The following CPED1 variants were observed in gnomAD, a reference collection of about 807,000 sequenced individuals.
The protein encoded by CPED1 is cadherin-like and PC-esterase domain-containing protein 1.
CPED1 carries 114 observed loss-of-function variants against 128.2 expected under a neutral mutation model. The observed-to-expected ratio is 0.89, with a 90% CI of 0.76 to 1.04. The LOEUF (loss-of-function observed/expected upper bound fraction) is 1.04, where lower values mean the gene tolerates loss of function less well. CPED1 is among the 50% of genes least tolerant of loss of function. CPED1 has a pLI of 0.00. For synonymous variants in CPED1, 462 were observed against 426.7 expected, an observed-to-expected ratio of 1.08 and a Z score of -1.02; for missense variants, 1,211 against 1,207.1, an observed-to-expected ratio of 1.00 and a Z score of -0.05.
At chr7:121,033,915 T>G (rs1792805735) in intron 3 of CPED1, among the ~76,000 whole-genome samples, 1 of 152,194 alleles carries the variant, frequency 6.6e-6, no homozygotes, top group South Asian at 2.1e-4. Context: ...TCCTTCCTCT[T>G]AGACTTCTCA....
chr7:121,206,229 A>G (rs1036532238), intron 16 of CPED1, among the ~76,000 whole-genome samples: 4 of 152,056 alleles, frequency 2.6e-5, no homozygotes, highest in African/African-American at 9.7e-5. Context: ...CATTTTCTCA[A>G]TAAGTTTTAG....
intron 2 of CPED1, among the ~76,000 whole-genome samples, chr7:121,014,265 G>GA (rs1345757383): frequency 1.3e-5 from 2 of 152,140 alleles, no homozygotes; most frequent in Non-Finnish European, 1.5e-5. Context: ...TAAAGATGTA[G>GA]AATTGGGCCG....
intron 16 of CPED1, among the ~76,000 whole-genome samples, chr7:121,235,955 T>A (rs1388625328): frequency 6.6e-6 from 1 of 152,108 alleles, no homozygotes; most frequent in Non-Finnish European, 1.5e-5. Context: ...TGTGATAGAC[T>A]GAGAGAACCC....
Position 121,266,397 on chromosome 7 carries a change from C to A in CPED1, c.2481C>A (p.Ser827Arg), listed in dbSNP as rs1305439878. 1 of 1,613,178 alleles carries A rather than the reference C, an allele frequency of 6.2e-7. No individual in the cohort carries two copies. Among genetic ancestry groups the A allele is most frequent in the South Asian group, 1.1e-5 (1 of 91,068 alleles). ...CCTACTATCCCCAGTTCTGGATAAG[C>A]CCTTCATTGAGACCAACATTTGAAA... ...SYSYYPQFWI[S>R]PSLRPTFENA... Residue 827 changes from serine (S) to arginine (R), a missense_variant, in exon 19 of 23, where the codon AGC (serine) becomes AGA (arginine). By Grantham distance (110) the Ser-to-Arg change is moderately radical. Transcript: ENST00000310396.
intron 22 of CPED1, among the ~76,000 whole-genome samples, chr7:121,274,487 A>G (rs1209747218): frequency 6.6e-6 from 1 of 152,080 alleles, no homozygotes; most frequent in Non-Finnish European, 1.5e-5. Flanking sequence ...TCTCCGCCAA[A>G]TTATCTTAAT....
At chr7:121,142,168 G>T (rs781667134) in intron 16 of CPED1, 27 bp downstream of exon 16, 1 of 1,561,990 alleles carries the variant, frequency 6.4e-7, no homozygotes, top group Non-Finnish European at 8.8e-7. Flanking sequence ...TTTGCACTTG[G>T]GTTGAATTGG....
intron 5 of CPED1, among the ~76,000 whole-genome samples, chr7:121,067,897 C>G (rs1189028845): frequency 6.6e-6 from 1 of 152,168 alleles, no homozygotes; most frequent in Non-Finnish European, 1.5e-5. Context: ...TGTGTTTTGG[C>G]TGCATAAATG....
At chr7:121,097,334 C>A (rs896572693) in intron 5 of CPED1, among the ~76,000 whole-genome samples, 1 of 152,082 alleles carries the variant, frequency 6.6e-6, no homozygotes, top group African/African-American at 2.4e-5. Context: ...ATTCTCATGA[C>A]AAACAAAAGT....
intron 18 of CPED1, among the ~76,000 whole-genome samples, chr7:121,264,584 A>G (rs1792086266): frequency 6.6e-6 from 1 of 152,094 alleles, no homozygotes. Context: ...TTCTTCATGC[A>G]GCTACTTGGA....
intron 18 of CPED1, among the ~76,000 whole-genome samples, chr7:121,250,003 A>G (rs1308445187): frequency 6.6e-6 from 1 of 152,210 alleles, no homozygotes; most frequent in African/African-American, 2.4e-5. Flanking sequence ...TCCACCCCAA[A>G]TCAACAGAAT....
chr7:121,199,269 T>C (rs1797334306), intron 16 of CPED1, among the ~76,000 whole-genome samples: 1 of 151,810 alleles, frequency 6.6e-6, no homozygotes, highest in Non-Finnish European at 1.5e-5. Context: ...TGAGTAAGAG[T>C]GTGAACACCT....
rs72453872 is a variant in CPED1, at chr7:121,087,665, C to CTTTTTTTTTTTTTTTTTTTTTTTTTT, written c.617-10033_617-10032insTTTTTTTTTTTTTTTTTTTTTTTTTT. ...GGATTCTTTCTTTTTCTTTTCTTTC[C>CTTTTTTTTTTTTTTTTTTTTTTTTTT]TGTTTTTTTTTTTTTGGCAGAGTCT... is the stretch of plus-strand genomic sequence containing the variant. On this transcript the variant is annotated intron_variant, in intron 5 of 22. Transcript: ENST00000310396. Among the ~76,000 whole-genome samples, 6 of 131,570 alleles carry CTTTTTTTTTTTTTTTTTTTTTTTTTT rather than the reference C, an allele frequency of 4.6e-5. 1 individual carries two copies. The highest frequency in any genetic ancestry group is 1.3e-4 in the African/African-American group (4 of 31,724). The allele number at this position is 131,570 out of a possible 152,430, so 86.3% of individuals were successfully genotyped here.
intron 5 of CPED1, chr7:121,076,726 T>C (rs1794133505): frequency 6.6e-6 from 1 of 152,204 alleles, no homozygotes; most frequent in Non-Finnish European, 1.5e-5. Context: ...AGTGTCTTCA[T>C]CCTAATGGTT....
Position 120,989,544 on chromosome 7 carries a change from A to G in CPED1, c.-78A>G. ...TTGGGGAAAAAGAAGACAGATTAGT[A>G]TTTTTCATGCTGACAAAAAATAGCT... On this transcript the variant is annotated 5_prime_UTR_variant, in exon 2 of 23. Transcript: ENST00000310396. 1.3e-6 allele frequency: 2 copies of G among 1,550,996 alleles called. No homozygotes were observed. Among genetic ancestry groups the G allele is most frequent in the Non-Finnish European group, 1.7e-6 (2 of 1,143,808 alleles).
At chr7:121,009,441 C>T (rs1027632935) in intron 2 of CPED1, among the ~76,000 whole-genome samples, 3 of 151,708 alleles carry the variant, frequency 2.0e-5, no homozygotes, top group African/African-American at 7.3e-5. Flanking sequence ...CCCATCTTTA[C>T]AAAAAATATT....
chr7:121,182,434 C>T (rs1796920096), intron 16 of CPED1, among the ~76,000 whole-genome samples: 1 of 151,158 alleles, frequency 6.6e-6, no homozygotes. Flanking sequence ...TCCTTCCTTT[C>T]ATTCCTTCCC....
At chr7:121,126,508 G>A (rs1795507551) in intron 9 of CPED1, among the ~76,000 whole-genome samples, 1 of 151,962 alleles carries the variant, frequency 6.6e-6, no homozygotes, top group Non-Finnish European at 1.5e-5. Context: ...TCTATAGAAA[G>A]TTCTACCTTG....
intron 10 of CPED1, among the ~76,000 whole-genome samples, chr7:121,127,773 A>G (rs1237526264): frequency 2.0e-5 from 3 of 151,874 alleles, no homozygotes; most frequent in Non-Finnish European, 4.4e-5. Flanking sequence ...TGACCTCGTG[A>G]TCCGCCTGCC....
intron 16 of CPED1, among the ~76,000 whole-genome samples, chr7:121,170,240 T>C (rs1428742480): frequency 6.6e-6 from 1 of 152,200 alleles, no homozygotes; most frequent in Non-Finnish European, 1.5e-5. Context: ...CTCAGTGGCA[T>C]CAGACACATC....
Sources: allele counts gnomAD v4.1 joint callset (sites outside exome capture counted in the v4.1 genomes callset), GRCh38; gene constraint gnomAD v4.1.1; transcripts MANE v1.5; gene names NCBI Gene and HGNC (gene_info 2026-07-23, HGNC 2026-07-21).